The following ZPBP variants were observed in gnomAD, a reference collection of about 807,000 sequenced individuals.
The protein encoded by ZPBP is zona pellucida-binding protein 1.
ZPBP carries 26 observed loss-of-function variants against 44.8 expected under a neutral mutation model. The observed-to-expected ratio is 0.58, with a 90% CI of 0.43 to 0.81. The LOEUF (loss-of-function observed/expected upper bound fraction) is 0.81, where lower values mean the gene tolerates loss of function less well. Among genes scored for constraint, ZPBP ranks in the 30% least tolerant of loss-of-function variants. ZPBP has a pLI of 0.00. For synonymous variants in ZPBP, 174 were observed against 153.2 expected (o/e 1.14, Z -1.00); for missense variants, 409 against 434.0 (o/e 0.94, Z 0.51).
chr7:50,018,171 A>G, intron 6 of ZPBP, 69 bp downstream of exon 6: 1 of 1,117,168 alleles, frequency 9.0e-7, no homozygotes, highest in Non-Finnish European at 1.4e-6. Context: ...AATAGCTAGG[A>G]TGCTTACTTA....
At chr7:50,027,381 CA>C (rs1188596448) in intron 5 of ZPBP, among the ~76,000 whole-genome samples, 1 of 151,528 alleles carries the variant, frequency 6.6e-6, no homozygotes, top group African/African-American at 2.4e-5. Flanking sequence ...ACAAACAGGT[CA>C]AAAAAATTAT....
In ZPBP at chr7:50,008,456, T is replaced by C. The variant is rs569402547; in HGVS notation, c.783+9784A>G. On this transcript the variant is annotated intron_variant, in intron 6 of 7. Transcript: ENST00000046087. ...TGTTAATACAACCCAAAGCTATTTA[T>C]AGATTTAATACAATCCCTATCAAAA... 2.0e-5 allele frequency among the ~76,000 whole-genome samples: 3 copies of C among 152,216 alleles called. No individual in the cohort carries two copies. The South Asian group carries it at 6.2e-4, about 32-fold the overall frequency.
intron 4 of ZPBP, among the ~76,000 whole-genome samples, chr7:50,040,775 C>T (rs1049171705): frequency 1.2e-4 from 19 of 152,142 alleles, no homozygotes; most frequent in African/African-American, 4.6e-4. Context: ...ATTTTTCACA[C>T]CCCATTGGTG....
intron 6 of ZPBP, among the ~76,000 whole-genome samples, chr7:50,007,735 T>C (rs1206130587): frequency 1.3e-5 from 2 of 151,932 alleles, no homozygotes; most frequent in African/African-American, 2.4e-5. Flanking sequence ...CAAAAATCAA[T>C]CAGTGTAATA....
chr7:50,009,887 A>C (rs1352211901), intron 6 of ZPBP, among the ~76,000 whole-genome samples: 1 of 152,166 alleles, frequency 6.6e-6, no homozygotes, highest in Non-Finnish European at 1.5e-5. Flanking sequence ...ACGTTCTTCA[A>C]AATAACTCCA....
At chr7:49,917,156 C>A (rs1319050566) in intron 1 of ZPBP, 2 of 152,082 alleles carry the variant, frequency 1.3e-5, no homozygotes, top group Non-Finnish European at 2.9e-5. Flanking sequence ...TGAACTGATA[C>A]AATAATGAGC....
At chr7:49,995,593 G>A (rs969763383) in intron 6 of ZPBP, among the ~76,000 whole-genome samples, 1 of 152,192 alleles carries the variant, frequency 6.6e-6, no homozygotes, top group Non-Finnish European at 1.5e-5. Context: ...TTAAGTCCTT[G>A]ATGATGGCAG....
intron 6 of ZPBP, among the ~76,000 whole-genome samples, chr7:50,004,475 C>A (rs1798221909): frequency 6.6e-6 from 1 of 151,980 alleles, no homozygotes; most frequent in Non-Finnish European, 1.5e-5. Flanking sequence ...TGCAAAGAGC[C>A]TTCCACTGGA....
chr7:49,989,830 G>T (rs1230343767), intron 6 of ZPBP, among the ~76,000 whole-genome samples: 3 of 152,172 alleles, frequency 2.0e-5, no homozygotes, highest in African/African-American at 7.2e-5. Context: ...TAAATAGGGT[G>T]CCCATTACTC....
intron 7 of ZPBP, among the ~76,000 whole-genome samples, chr7:49,952,442 T>C (rs1480895482): frequency 6.6e-6 from 1 of 152,064 alleles, no homozygotes; most frequent in East Asian, 1.9e-4. Context: ...ACTCCACTTT[T>C]AGGCACTACA....
chr7:49,955,083 G>C (rs553466724), intron 7 of ZPBP, among the ~76,000 whole-genome samples: 1 of 151,510 alleles, frequency 6.6e-6, no homozygotes, highest in East Asian at 1.9e-4. Context: ...ATAAGACCTG[G>C]GCCAAATAAA....
intron 4 of ZPBP, among the ~76,000 whole-genome samples, chr7:50,052,280 T>C (rs1800734049): frequency 6.6e-6 from 1 of 151,874 alleles, no homozygotes; most frequent in Non-Finnish European, 1.5e-5. Context: ...AATGAAAAAA[T>C]GGTCAAAAGA....
intron 7 of ZPBP, among the ~76,000 whole-genome samples, chr7:49,956,465 G>A (rs1219832015): frequency 1.3e-5 from 2 of 151,902 alleles, no homozygotes; most frequent in African/African-American, 4.8e-5. Flanking sequence ...CAAGGGCAAC[G>A]AACAAAAACT....
At chr7:50,018,204 CTT>C in intron 6 of ZPBP, 34 bp downstream of exon 6, 5 of 1,525,792 alleles carry the variant, frequency 3.3e-6, no homozygotes, top group Non-Finnish European at 4.5e-6. Context: ...GTTCATTTAA[CTT>C]TTTTTTTCCT....
At chr7:50,067,291 G>T (rs1055577170) in intron 3 of ZPBP, among the ~76,000 whole-genome samples, 1 of 152,076 alleles carries the variant, frequency 6.6e-6, no homozygotes, top group Admixed American at 6.5e-5. Context: ...GCATTTAAGA[G>T]CTGTAGAATT....
intron 7 of ZPBP, among the ~76,000 whole-genome samples, chr7:49,965,651 T>TA (rs149014562): frequency 0.012 from 1,805 of 152,128 alleles, 25 homozygotes; most frequent in South Asian, 0.022. Flanking sequence ...ACCTAAAAGA[T>TA]AACTGACTGT....
chr7:50,070,683 A>G (rs908440328), intron 3 of ZPBP, among the ~76,000 whole-genome samples: 17 of 152,322 alleles, frequency 1.1e-4, no homozygotes, highest in Admixed American at 8.5e-4. Context: ...CATCCAAAGG[A>G]CTGAGCCCTG....
intron 4 of ZPBP, among the ~76,000 whole-genome samples, chr7:50,043,221 A>T (rs1011991241): frequency 6.6e-6 from 1 of 152,246 alleles, no homozygotes; most frequent in African/African-American, 2.4e-5. Context: ...AATCTATAGA[A>T]ACAATGCTTA....
intron 1 of ZPBP, chr7:49,919,551 G>A (rs1400499169): frequency 6.6e-6 from 1 of 151,740 alleles, no homozygotes; most frequent in Non-Finnish European, 1.5e-5. Flanking sequence ...TTTATTGTGA[G>A]GATTAAATAA....
Sources: allele counts gnomAD v4.1 joint callset (sites outside exome capture counted in the v4.1 genomes callset), GRCh38; gene constraint gnomAD v4.1.1; transcripts MANE v1.5; gene names NCBI Gene and HGNC (gene_info 2026-07-23, HGNC 2026-07-21).